Variants in PLXNA4 observed in about 807,000 individuals in gnomAD.
PLXNA4 encodes the protein plexin-A4.
Under a neutral mutation model 191.8 loss-of-function variants are expected in PLXNA4, and 44 were observed. The ratio of observed to expected loss-of-function variants is 0.23; its 90% CI spans 0.18 to 0.29. PLXNA4 has a LOEUF of 0.29. Among genes scored for constraint, PLXNA4 ranks in the 10% least tolerant of loss-of-function variants. The pLI, the probability that PLXNA4 is intolerant of heterozygous loss-of-function variation, is 1.00. For missense variants in PLXNA4, 1,800 were observed against 2,488.8 expected, an observed-to-expected ratio of 0.72 and a Z score of 5.89; for synonymous variants, 1,082 against 1,009.5, an observed-to-expected ratio of 1.07 and a Z score of -1.36.
At chr7:132,568,097 G>T (rs1043577679) in intron 1 of PLXNA4, among the ~76,000 whole-genome samples, 2 of 152,190 alleles carry the variant, frequency 1.3e-5, no homozygotes, top group East Asian at 3.8e-4. Flanking sequence ...AAAAAACGTT[G>T]ATGAGGGGCA....
chr7:132,142,478 T>C (rs1053582124), intron 29 of PLXNA4, among the ~76,000 whole-genome samples: 3 of 152,242 alleles, frequency 2.0e-5, no homozygotes, highest in African/African-American at 7.2e-5. Flanking sequence ...CTATACTTGC[T>C]CTATCTCCCA....
upstream of PLXNA4, among the ~76,000 whole-genome samples, chr7:132,577,706 G>C (rs1204536460): frequency 6.6e-6 from 1 of 152,158 alleles, no homozygotes; most frequent in Non-Finnish European, 1.5e-5. Context: ...GGAGCGCACG[G>C]CGCGCGCTCA....
At chr7:132,247,826 A>G (rs760561386) in intron 4 of PLXNA4, among the ~76,000 whole-genome samples, 1 of 152,196 alleles carries the variant, frequency 6.6e-6, no homozygotes, top group African/African-American at 2.4e-5. Flanking sequence ...GTCACTCCAC[A>G]TGCCTGGAAC....
At chr7:132,189,700 T>C (rs1049574619) in intron 14 of PLXNA4, among the ~76,000 whole-genome samples, 3 of 152,084 alleles carry the variant, frequency 2.0e-5, no homozygotes, top group African/African-American at 4.8e-5. Flanking sequence ...GCCTGGTAGA[T>C]GAGAAGGCCA....
Position 132,348,937 on chromosome 7 carries a change from T to C in PLXNA4, c.1372-50715A>G, listed in dbSNP as rs555532906. ...ACCACCATCCCCACTGCACACTGAATGGACAGAGGCAGAACTCCTAATGGG... is the reference window on the plus strand; with the variant it reads ...ACCACCATCCCCACTGCACACTGAACGGACAGAGGCAGAACTCCTAATGGG... On this transcript the variant is annotated intron_variant, in intron 3 of 31. Coordinates refer to ENST00000321063, the MANE Select transcript of PLXNA4 (RefSeq NM_020911.2). Among the ~76,000 whole-genome samples, 8 of 152,252 alleles carry C rather than the reference T, an allele frequency of 5.3e-5. No homozygotes were observed. In the South Asian group the frequency reaches 1.4e-3, roughly 28 times the overall value.
chr7:132,644,261 A>T (rs1467029440), intron 2 of PLXNA4, among the ~76,000 whole-genome samples: 1 of 152,198 alleles, frequency 6.6e-6, no homozygotes, highest in Non-Finnish European at 1.5e-5. Context: ...ACCTCATGGG[A>T]CGGTTGCAAG....
chr7:132,263,382 C>T (rs1293549846), intron 4 of PLXNA4, among the ~76,000 whole-genome samples: 4 of 152,232 alleles, frequency 2.6e-5, no homozygotes, highest in African/African-American at 7.2e-5. Flanking sequence ...CCAGCAGCCC[C>T]GTGGCACCCC....
intron 3 of PLXNA4, among the ~76,000 whole-genome samples, chr7:132,435,178 G>T (rs559646265): frequency 6.6e-6 from 1 of 152,256 alleles, no homozygotes; most frequent in South Asian, 2.1e-4. Context: ...TAGAATGGTG[G>T]CATCATGGAG....
chr7:132,254,835 C>T (rs1027943121), intron 4 of PLXNA4, among the ~76,000 whole-genome samples: 1 of 152,178 alleles, frequency 6.6e-6, no homozygotes, highest in Admixed American at 6.5e-5. Context: ...CTATATCCGA[C>T]TAAGGCTCAG....
intron 2 of PLXNA4, 22 bp downstream of exon 2, chr7:132,507,484 G>A (rs753210655): frequency 2.4e-5 from 38 of 1,584,142 alleles, no homozygotes; most frequent in Middle Eastern, 3.4e-4. Context: ...CCATCCCAGC[G>A]CGCAGCCCTC....
chr7:132,561,808 C>T (rs567864579), intron 1 of PLXNA4, among the ~76,000 whole-genome samples: 78 of 140,320 alleles, frequency 5.6e-4, no homozygotes, highest in Non-Finnish European at 8.8e-4. Flanking sequence ...TCCTTATCCT[C>T]CTCTTTCTCC....
At chr7:132,207,795 C>G (rs528005654) in intron 10 of PLXNA4, among the ~76,000 whole-genome samples, 2 of 152,228 alleles carry the variant, frequency 1.3e-5, no homozygotes, top group Non-Finnish European at 2.9e-5. Context: ...AAAAATTTGT[C>G]CTTCCACACA....
chr7:132,341,759 T>TATAA, intron 3 of PLXNA4, among the ~76,000 whole-genome samples: 1 of 152,336 alleles, frequency 6.6e-6, no homozygotes, highest in Admixed American at 6.5e-5. Flanking sequence ...TAGGGTTGAG[T>TATAA]TCTTTCTCTA....
intron 19 of PLXNA4, 86 bp downstream of exon 19, chr7:132,180,500 C>G: frequency 6.4e-7 from 1 of 1,573,376 alleles, no homozygotes; most frequent in South Asian, 1.2e-5. Flanking sequence ...GGGACAGAAT[C>G]CCCTCTTGGA....
chr7:132,529,419 G>T lies in PLXNA4; in HGVS notation c.-86-20640C>A, dbSNP rs545149055. ...ATTAAATCAATATCAAAAATACAAG[G>T]TGTTACAGAAATCATGGAATTTGGG... is the stretch of plus-strand genomic sequence containing the variant. On this transcript the variant is annotated intron_variant, in intron 1 of 31. Coordinates refer to ENST00000321063, the MANE Select transcript of PLXNA4 (RefSeq NM_020911.2). Among the ~76,000 whole-genome samples, 9 of 152,172 alleles carry T rather than the reference G, an allele frequency of 5.9e-5. No individual in the cohort carries two copies. In the South Asian group the frequency reaches 1.2e-3, roughly 21 times the overall value.
intron 4 of PLXNA4, among the ~76,000 whole-genome samples, chr7:132,292,554 A>G: frequency 6.6e-6 from 1 of 152,180 alleles, no homozygotes; most frequent in South Asian, 2.1e-4. Flanking sequence ...CCAAAATCAG[A>G]GTGCTCTCAA....
In PLXNA4 at chr7:132,507,824, G is replaced by A. The variant is rs757733796; in HGVS notation, c.870C>T (p.Phe290=). Residue 290 remains phenylalanine, a synonymous_variant, in exon 2 of 32, where the codon TTC becomes TTT. Transcript: ENST00000321063. ...CAATGGGCACCTCTACATAGGAGTTGAAGGCTGTGTCCTCCTTGCAAAGCC... is the reference window on the plus strand; with the variant it reads ...CAATGGGCACCTCTACATAGGAGTTAAAGGCTGTGTCCTCCTTGCAAAGCC... The part of the protein sequence containing the change: ...LVRLCKEDTA[F]NSYVEVPIGC... 7 of 1,614,188 alleles carry A rather than the reference G, an allele frequency of 4.3e-6. No individual in the cohort carries two copies. The highest frequency in any genetic ancestry group is 3.3e-5 in the South Asian group (3 of 91,090).
intron 3 of PLXNA4, among the ~76,000 whole-genome samples, chr7:132,349,889 C>A (rs1161862671): frequency 6.6e-6 from 1 of 151,980 alleles, no homozygotes; most frequent in African/African-American, 2.4e-5. Flanking sequence ...TATATTTTTT[C>A]TTCTGACCTT....
Position 132,399,250 on chromosome 7 carries a change from C to G in PLXNA4, c.1371+90042G>C, listed in dbSNP as rs946202782. 3.3e-5 allele frequency among the ~76,000 whole-genome samples: 5 copies of G among 152,160 alleles called. No individual in the cohort carries two copies. In the South Asian group the frequency reaches 8.3e-4, roughly 25 times the overall value. On this transcript the variant is annotated intron_variant, in intron 3 of 31. Coordinates refer to ENST00000321063, the MANE Select transcript of PLXNA4 (RefSeq NM_020911.2). ...ACACTGGTCACCAAAGGGACACAAC[C>G]CAGTCCCTGCAAGACATATCAGCTT...
Sources: allele counts gnomAD v4.1 joint callset (sites outside exome capture counted in the v4.1 genomes callset), GRCh38; gene constraint gnomAD v4.1.1; transcripts MANE v1.5; gene names NCBI Gene and HGNC (gene_info 2026-07-23, HGNC 2026-07-21).